Variants in TEP1 observed in about 807,000 individuals in gnomAD.
The protein encoded by TEP1 is telomerase associated protein 1.
TEP1 carries 241 observed loss-of-function variants against 306.3 expected under a neutral mutation model. That is an observed-to-expected ratio of 0.79 (90% CI 0.71 to 0.88). The LOEUF is 0.88. Ranked by LOEUF, TEP1 falls within the 40% of genes least tolerant of loss-of-function variation. The pLI is 0.00. For synonymous variants in TEP1, 1,289 were observed against 1,305.5 expected, an observed-to-expected ratio of 0.99 and a Z score of 0.27; for missense variants, 3,051 against 3,276.1, an observed-to-expected ratio of 0.93 and a Z score of 1.68.
chr14:20,406,520 A>G, intron 2 of TEP1, 120 bp from the exon 3 acceptor site: 2 of 991,674 alleles, frequency 2.0e-6, no homozygotes, highest in Non-Finnish European at 3.1e-6. Context: ...TAGCACCTCT[A>G]ATGTTCTCTC....
rs1449032117 is a variant in TEP1, at chr14:20,379,934, C to G, written c.5123G>C (p.Trp1708Ser). 1 of 1,610,182 alleles carries G rather than the reference C, an allele frequency of 6.2e-7. No individual in the cohort carries two copies. The highest frequency in any genetic ancestry group is 8.5e-7 in the Non-Finnish European group (1 of 1,178,886). The change falls in exon 35 of 55, where the codon TGG becomes TCG. Residue 1708 changes from tryptophan to serine, a missense_variant. Physicochemically the swap from Trp to Ser is radical, Grantham distance 177 (BLOSUM62 -3). Transcript: ENST00000262715. ...GTVYLLDLRT[W>S]QEEKSVVSGC... is the part of the protein sequence containing the mutation. ...GCCCCTCCTTGATTGTCATACCTGC[C>G]AAGTTCTCAGGTCCAACAGGTAAAC...
rs556397357 is a variant in TEP1, at chr14:20,377,305, G to A, written c.6063C>T (p.Ser2021=). 6.2e-7 allele frequency: 1 copy of A among 1,613,448 alleles called. No homozygotes were observed. Among genetic ancestry groups the A allele is most frequent in the Admixed American group, 1.7e-5 (1 of 59,998 alleles). Residue 2021 remains serine (S), a synonymous_variant, in exon 41 of 55, where the codon TCC becomes TCT. Transcript: ENST00000262715. The part of the protein sequence containing the change: ...FQKPVLGLAT[S]QELLASASED... ...CTGAGGCAGAAGCCAAGAGCTCCTGGGAAGTGGCCAGTCCTAGCACAGGCT... is the reference window on the plus strand; with the variant it reads ...CTGAGGCAGAAGCCAAGAGCTCCTGAGAAGTGGCCAGTCCTAGCACAGGCT...
At chr14:20,390,580 T>G in intron 15 of TEP1, 101 bp downstream of exon 15, 1 of 1,101,374 alleles carries the variant, frequency 9.1e-7, no homozygotes, top group Non-Finnish European at 1.4e-6. Flanking sequence ...GACTATTGTA[T>G]GTGGTTGGAG....
chr14:20,368,712 C>T, intron 54 of TEP1, 86 bp downstream of exon 54: 2 of 1,538,538 alleles, frequency 1.3e-6, no homozygotes, highest in Non-Finnish European at 1.8e-6. Context: ...CCCTTTCTTA[C>T]TCTAAGTTTG....
At position 20,403,768 on chromosome 14, in the gene TEP1, C is replaced by T. The variant is rs1291627175; in HGVS notation, c.1149G>A (p.Arg383=). The T allele has an allele frequency of 6.2e-7, 1 of 1,614,102 alleles. No individual in the cohort carries two copies. Among genetic ancestry groups the T allele is most frequent in the Admixed American group, 1.7e-5 (1 of 60,024 alleles). The part of the protein sequence containing the change: ...DEYQLAKYNP[R]KHRAKRHPRR... Reference sequence around the variant, plus strand: ...GGGGGTGTCTCTTGGCCCGGTGCTTCCGAGGGTTGTACTTAGCCAGCTGGT... The same window carrying T: ...GGGGGTGTCTCTTGGCCCGGTGCTTTCGAGGGTTGTACTTAGCCAGCTGGT... The change falls in exon 6 of 55, where the codon CGG becomes CGA. Residue 383 remains arginine, a synonymous_variant. Coordinates refer to ENST00000262715, the MANE Select transcript of TEP1 (RefSeq NM_007110.5).
chr14:20,381,299 G>A lies in TEP1; in HGVS notation c.4647+14C>T. 6.2e-7 allele frequency: 1 copy of A among 1,613,618 alleles called. No homozygotes were observed. The highest frequency in any genetic ancestry group is 8.5e-7 in the Non-Finnish European group (1 of 1,179,518). ...TCACTTTGGGAAAGGTGTCTATGGG[G>A]TCTAGGAACTAACCAGGTGGTAAGG... is the stretch of plus-strand genomic sequence containing the variant. On this transcript the variant is annotated intron_variant, in intron 32 of 54. Transcript: ENST00000262715. This position sits in a 1 kb window ranked among gnomAD's most constrained non-coding sequence, Gnocchi z 4.0.
At chr14:20,386,404 C>T (rs777327762) in intron 19 of TEP1, 43 bp downstream of exon 19, 7 of 1,577,446 alleles carry the variant, frequency 4.4e-6, no homozygotes, top group Admixed American at 1.8e-5. Context: ...CCACTCAAGC[C>T]CCTCATCCCC....
chr14:20,379,879 G>C, intron 35 of TEP1, 51 bp downstream of exon 35: 1 of 1,573,412 alleles, frequency 6.4e-7, no homozygotes, highest in Non-Finnish European at 8.6e-7. Flanking sequence ...CTTCAGGGCA[G>C]TCTGCATGGA....
rs749963171 is a variant in TEP1 at position 20,405,489 on chromosome 14, G to A, written c.832C>T (p.Arg278Cys). The A allele has an allele frequency of 6.8e-6, 11 of 1,614,002 alleles. No individual in the cohort carries two copies. The highest frequency in any genetic ancestry group is 4.0e-5 in the African/African-American group (3 of 74,904). Residue 278 changes from arginine (R) to cysteine (C), a missense_variant, in exon 4 of 55, where the codon CGT becomes TGT. Coordinates refer to ENST00000262715, the MANE Select transcript of TEP1 (RefSeq NM_007110.5). ...TCAGGCTCCAGGAGGGCAAGTTCACGACAGATTTCAAAAATGGCAGCCAGG... is the reference window on the plus strand; with the variant it reads ...TCAGGCTCCAGGAGGGCAAGTTCACAACAGATTTCAAAAATGGCAGCCAGG... ...PTLAAIFEIC[R>C]ELALLEPEFI...
In TEP1 at chr14:20,386,457, G is replaced by A. The variant is rs200606248; in HGVS notation, c.2851C>T (p.Arg951Cys). Reference protein sequence around the residue: ...LRWGVTEEETRRNRQLEVCLG... With the variant: ...LRWGVTEEETCRNRQLEVCLG... ...CTGCAGCCCCCACACCTGTTCCTAC[G>A]GGTCTCCTCCTCAGTGACGCCCCAG... The change falls in exon 19 of 55, where the codon CGT (arginine) becomes TGT (cysteine). Residue 951 changes from arginine (R) to cysteine (C), a missense_variant. Physicochemically the swap from Arg to Cys is radical, Grantham distance 180. Around this residue, in one of 3 missense-constraint regions of TEP1, gnomAD observed 1,507 missense variants for 1,550.5 expected, o/e 0.97. Transcript: ENST00000262715. 94 of 1,603,852 alleles carry A rather than the reference G, an allele frequency of 5.9e-5. No individual in the cohort carries two copies. The highest frequency in any genetic ancestry group is 1.6e-4 in the African/African-American group (12 of 74,692).
At chr14:20,379,847 GGT>G in intron 35 of TEP1, 81 bp downstream of exon 35, 1 of 1,507,550 alleles carries the variant, frequency 6.6e-7, no homozygotes, top group Non-Finnish European at 8.9e-7. Context: ...AGTGATAACA[GGT>G]GTGTTTGGCT....
chr14:20,368,764 G>GCACACACACA (rs112024184), intron 54 of TEP1, 34 bp downstream of exon 54: 51,571 of 1,337,038 alleles, frequency 0.039, 647 homozygotes, highest in African/African-American at 0.11. Context: ...GCAGGCGCAC[G>GCACACACACA]CACACACACA....
rs754606129 is a variant in TEP1, at chr14:20,408,196, G to C, written c.244C>G (p.Leu82Val). ...PDILSLENQC[L>V]ATLSDLKTME... ...GTCTTCAGGTCAGAAAGTGTGGCCA[G>C]GCACTGGTTCTCCAAGGAGAGGATG... Residue 82 changes from leucine to valine, a missense_variant, in exon 2 of 55, where the codon CTG (leucine) becomes GTG (valine). Physicochemically the swap from Leu to Val is conservative, Grantham distance 32. This residue lies in a region of TEP1 where 1,507 missense variants were observed against 1,550.5 expected (regional missense o/e 0.97). Coordinates refer to ENST00000262715, the MANE Select transcript of TEP1 (RefSeq NM_007110.5). The C allele has an allele frequency of 1.1e-5, 18 of 1,613,438 alleles. No homozygotes were observed. Among genetic ancestry groups the C allele is most frequent in the Non-Finnish European group, 1.5e-5 (18 of 1,179,526 alleles).
At chr14:20,413,015 G>C (rs556961423) in intron 1 of TEP1, among the ~76,000 whole-genome samples, 8 of 151,992 alleles carry the variant, frequency 5.3e-5, no homozygotes, top group Non-Finnish European at 1.0e-4. Context: ...GCACAGTCTG[G>C]GTTTCTATTA....
chr14:20,382,987 C>T (rs941178150), intron 27 of TEP1, among the ~76,000 whole-genome samples, 187 bp downstream of exon 27: 7 of 152,224 alleles, frequency 4.6e-5, no homozygotes, highest in African/African-American at 7.2e-5. Context: ...GGCCATTCAC[C>T]GGGGGAAGAG....
At position 20,368,406 on chromosome 14, in the gene TEP1, A is replaced by G; in HGVS notation, c.*31T>C. 6.2e-7 allele frequency: 1 copy of G among 1,608,900 alleles called. No homozygotes were observed. Among genetic ancestry groups the G allele is most frequent in the African/African-American group, 1.3e-5 (1 of 74,956 alleles). On this transcript the variant is annotated 3_prime_UTR_variant, in exon 55 of 55. Transcript: ENST00000262715. ...CTTCAGGCTTTGCATCTCTAGCACA[A>G]GGGGTATCATTATTCCCGAGTGGCA...
chr14:20,405,407 T>A (rs1044065397), intron 4 of TEP1, 44 bp downstream of exon 4: 4 of 1,525,642 alleles, frequency 2.6e-6, no homozygotes, highest in Non-Finnish European at 3.6e-6. Context: ...ACACTCCCAG[T>A]CTACCAGCTT....
At chr14:20,397,261 A>T (rs1022818981) in intron 9 of TEP1, among the ~76,000 whole-genome samples, 2 of 152,236 alleles carry the variant, frequency 1.3e-5, no homozygotes, top group Admixed American at 1.3e-4. Context: ...ATATACTAAC[A>T]TAATGTAGCA....
In TEP1 at chr14:20,371,139, C is replaced by T. The variant is rs937102201; in HGVS notation, c.7317+79G>A. The T allele has an allele frequency of 3.2e-6, 4 of 1,240,450 alleles. No homozygotes were observed. The Admixed American group carries it at 5.1e-5, about 16-fold the overall frequency. The allele number at this position is 1,240,450 out of a possible 1,614,324, so 76.8% of individuals were successfully genotyped here. On this transcript the variant is annotated intron_variant, in intron 51 of 54. Coordinates refer to ENST00000262715, the MANE Select transcript of TEP1 (RefSeq NM_007110.5). ...GCCAACTGCCTTTCCCTTCCCTATC[C>T]TCCATGACGGGCCCCAAGGTGTAAA...
Sources: allele counts gnomAD v4.1 joint callset (sites outside exome capture counted in the v4.1 genomes callset), GRCh38; gene constraint gnomAD v4.1.1; regional missense constraint gnomAD v4.1.1; non-coding constraint Gnocchi (gnomAD v3.1); transcripts MANE v1.5; gene names NCBI Gene and HGNC (gene_info 2026-07-23, HGNC 2026-07-21).